The following PLEKHG1 variants were observed in gnomAD, a reference collection of about 807,000 sequenced individuals.
PLEKHG1 encodes the protein pleckstrin homology domain-containing family G member 1.
PLEKHG1 carries 44 observed loss-of-function variants against 100.8 expected under a neutral mutation model. The observed-to-expected ratio is 0.44, with a 90% confidence interval of 0.34 to 0.56. The LOEUF is 0.56. PLEKHG1 is among the 20% of genes least tolerant of loss of function. PLEKHG1 has a pLI of 0.01. For missense variants in PLEKHG1, 1,545 were observed against 1,720.9 expected, an observed-to-expected ratio of 0.90 and a Z score of 1.81; for synonymous variants, 640 against 662.5, an observed-to-expected ratio of 0.97 and a Z score of 0.52.
chr6:150,661,989 G>A (rs955252885), intron 3 of PLEKHG1, among the ~76,000 whole-genome samples: 1 of 152,106 alleles, frequency 6.6e-6, no homozygotes, highest in Non-Finnish European at 1.5e-5. Context: ...CCCGAGAGAA[G>A]GATGAGGAGA....
At chr6:150,734,214 AAG>A (rs1782448270) in intron 2 of PLEKHG1, 122 bp downstream of exon 3, 2 of 956,024 alleles carry the variant, frequency 2.1e-6, no homozygotes, top group African/African-American at 1.6e-5. Context: ...TGAATGTTTA[AAG>A]AGAGAGTAAT....
intron 3 of PLEKHG1, among the ~76,000 whole-genome samples, chr6:150,779,358 T>TG (rs1562511534): frequency 9.6e-5 from 13 of 135,752 alleles, no homozygotes; most frequent in Non-Finnish European, 1.7e-4. Context: ...TTTTTTTTTT[T>TG]TTTTTGAGAC....
At chr6:150,807,291 A>G (rs897513706) in intron 7 of PLEKHG1, among the ~76,000 whole-genome samples, 2 of 152,222 alleles carry the variant, frequency 1.3e-5, no homozygotes, top group Non-Finnish European at 2.9e-5. Context: ...GTCTTGGAAC[A>G]TATCCCCTGC....
At chr6:150,673,412 T>G (rs1779640153) in intron 3 of PLEKHG1, among the ~76,000 whole-genome samples, 1 of 152,186 alleles carries the variant, frequency 6.6e-6, no homozygotes, top group Non-Finnish European at 1.5e-5. Context: ...CTGAAGATCT[T>G]GGTAGACAAA....
intron 3 of PLEKHG1, among the ~76,000 whole-genome samples, chr6:150,711,359 T>C (rs1047964533): frequency 1.3e-5 from 2 of 152,104 alleles, no homozygotes; most frequent in Non-Finnish European, 2.9e-5. Context: ...ATTCCATCAG[T>C]AGTTGAACAA....
chr6:150,813,335 A>C (rs1731801183), intron 10 of PLEKHG1, among the ~76,000 whole-genome samples: 1 of 150,772 alleles, frequency 6.6e-6, no homozygotes, highest in Non-Finnish European at 1.5e-5. Context: ...TGGACCAGTC[A>C]CTAGAGATGA....
intron 2 of PLEKHG1, 134 bp from the exon 4 acceptor site, chr6:150,768,504 G>A: frequency 4.7e-6 from 3 of 632,360 alleles, no homozygotes; most frequent in Non-Finnish European, 8.6e-6. Context: ...GAGAGCAACT[G>A]TGTACTCTCA....
At chr6:150,815,394 A>C (rs1307808302) in intron 10 of PLEKHG1, among the ~76,000 whole-genome samples, 1 of 152,234 alleles carries the variant, frequency 6.6e-6, no homozygotes, top group Admixed American at 6.5e-5. Context: ...AGTCAGCTTT[A>C]CAGATACCAG....
intron 3 of PLEKHG1, among the ~76,000 whole-genome samples, chr6:150,780,078 C>T (rs1488648193): frequency 6.6e-6 from 1 of 151,848 alleles, no homozygotes; most frequent in Non-Finnish European, 1.5e-5. Flanking sequence ...CCATCCTCTA[C>T]TAATGGAAAA....
chr6:150,609,969 A>G (rs941559705), intron 1 of PLEKHG1, among the ~76,000 whole-genome samples: 1 of 152,090 alleles, frequency 6.6e-6, no homozygotes, highest in Admixed American at 6.5e-5. Flanking sequence ...AAAGTACCCA[A>G]AGCGGCTCAT....
chr6:150,834,091 CAA>C (rs1246154951), intron 15 of PLEKHG1, among the ~76,000 whole-genome samples: 3 of 152,016 alleles, frequency 2.0e-5, no homozygotes, highest in Non-Finnish European at 2.9e-5. Context: ...GATAGGGAAA[CAA>C]AGTGCTGGAA....
chr6:150,720,572 A>G (rs1466844204), upstream of PLEKHG1, among the ~76,000 whole-genome samples: 2 of 152,210 alleles, frequency 1.3e-5, no homozygotes, highest in East Asian at 1.9e-4. Flanking sequence ...GTTAACAGAA[A>G]CTAATTATCC....
chr6:150,827,725 C>T lies in PLEKHG1; in HGVS notation c.1471-2857C>T, dbSNP rs749655441. ...TCTTACGCAAAAAGGGTTTCTTACC[C>T]GCCAAGGAAAGAATTGGAAGAATTG... is the stretch of plus-strand genomic sequence containing the variant. On this transcript the variant is annotated intron_variant, in intron 14 of 15. Coordinates refer to ENST00000358517, the Ensembl canonical transcript of PLEKHG1. 3.2e-5 allele frequency: 42 copies of T among 1,301,570 alleles called. 1 individual carries two copies. Among genetic ancestry groups the T allele is most frequent in the East Asian group, 1.8e-4 (8 of 43,460 alleles). The allele number at this position is 1,301,570 out of a possible 1,614,324, so 80.6% of individuals were successfully genotyped here.
chr6:150,842,200 ATATTC>A (rs1418989481), exon 16 of PLEKHG1: 1 of 152,238 alleles, frequency 6.6e-6, no homozygotes, highest in Non-Finnish European at 1.5e-5. Context: ...ACTTTATAAC[ATATTC>A]TATTTTATTG....
chr6:150,668,218 A>G (rs899620757), intron 3 of PLEKHG1, among the ~76,000 whole-genome samples: 4 of 152,190 alleles, frequency 2.6e-5, no homozygotes, highest in African/African-American at 9.7e-5. Flanking sequence ...TGGCTGCCCT[A>G]CCTGTAACTT....
chr6:150,692,227 AAATT>A (rs1172353579), intron 3 of PLEKHG1, among the ~76,000 whole-genome samples: 2 of 152,222 alleles, frequency 1.3e-5, no homozygotes, highest in Admixed American at 1.3e-4. Context: ...TGTAAACTCA[AAATT>A]AACCCATTTT....
chr6:150,718,402 G>A (rs144760710), upstream of PLEKHG1, among the ~76,000 whole-genome samples: 7 of 151,956 alleles, frequency 4.6e-5, no homozygotes, highest in African/African-American at 1.2e-4. Context: ...TGTAGAAGGC[G>A]CCTCTGCTCT....
intron 12 of PLEKHG1, among the ~76,000 whole-genome samples, chr6:150,820,044 A>G (rs1583194414): frequency 6.6e-6 from 1 of 152,170 alleles, no homozygotes; most frequent in Middle Eastern, 3.4e-3. Flanking sequence ...CCACATCTCT[A>G]GTAAAAATAT....
chr6:150,733,768 C>T (rs1782411264), exon 2 of PLEKHG1: 1 of 1,614,056 alleles, frequency 6.2e-7, no homozygotes, highest in African/African-American at 1.3e-5. Flanking sequence ...GTTCCTTCGG[C>T]AGCAGAATGA....
Sources: allele counts gnomAD v4.1 joint callset (sites outside exome capture counted in the v4.1 genomes callset), GRCh38; gene constraint gnomAD v4.1.1; transcripts MANE v1.5; gene names NCBI Gene and HGNC (gene_info 2026-07-23, HGNC 2026-07-21).